Variants in TMPRSS15 observed in about 807,000 individuals in gnomAD.
TMPRSS15 encodes enteropeptidase.
TMPRSS15 carries 128 observed loss-of-function variants against 125.3 expected under a neutral mutation model. The observed-to-expected ratio is 1.02, with a 90% CI of 0.89 to 1.18. TMPRSS15 has a LOEUF of 1.18. Ranked by LOEUF, TMPRSS15 falls within the 50% of genes most tolerant of loss-of-function variation. The pLI is 0.00. For missense variants in TMPRSS15, 1,283 were observed against 1,212.7 expected, an observed-to-expected ratio of 1.06 and a Z score of -0.86; for synonymous variants, 446 against 423.2, an observed-to-expected ratio of 1.05 and a Z score of -0.66.
At chr21:18,337,915 G>T (rs1281992549) in intron 13 of TMPRSS15, among the ~76,000 whole-genome samples, 1 of 152,164 alleles carries the variant, frequency 6.6e-6, no homozygotes, top group Non-Finnish European at 1.5e-5. Context: ...GTTTTCTGCT[G>T]TGAAAAATAT....
intron 1 of TMPRSS15, among the ~76,000 whole-genome samples, chr21:18,452,681 T>C (rs554265147): frequency 1.2e-4 from 18 of 152,176 alleles, no homozygotes; most frequent in African/African-American, 4.3e-4. Flanking sequence ...ATACAATATT[T>C]TGAACTGGAA....
intron 1 of TMPRSS15, among the ~76,000 whole-genome samples, chr21:18,436,912 T>C (rs1454076068): frequency 7.5e-5 from 6 of 79,900 alleles, no homozygotes; most frequent in Admixed American, 4.6e-4. Context: ...AGGTAATTTA[T>C]AGATTCAATG....
chr21:18,430,412 A>AG (rs1480355722), intron 1 of TMPRSS15, among the ~76,000 whole-genome samples: 1 of 152,196 alleles, frequency 6.6e-6, no homozygotes, highest in African/African-American at 2.4e-5. Flanking sequence ...TTTTGGCAGC[A>AG]GAAAATATAT....
intron 1 of TMPRSS15, among the ~76,000 whole-genome samples, chr21:18,447,790 T>C (rs948442757): frequency 3.3e-5 from 5 of 152,176 alleles, no homozygotes; most frequent in African/African-American, 9.7e-5. Context: ...CTAGCCTTGT[T>C]AAAGTGTGAG....
At chr21:18,326,171 A>G (rs570449578) in intron 16 of TMPRSS15, among the ~76,000 whole-genome samples, 17 of 152,268 alleles carry the variant, frequency 1.1e-4, no homozygotes, top group African/African-American at 3.9e-4. Context: ...GCCCTCTTCA[A>G]TGAACAAAAT....
At chr21:18,474,453 G>A (rs531688764) in intron 1 of TMPRSS15, among the ~76,000 whole-genome samples, 151 of 151,928 alleles carry the variant, frequency 9.9e-4, no homozygotes, top group Non-Finnish European at 1.5e-3. Flanking sequence ...ACCATGCCCA[G>A]CTAATTTTGT....
chr21:18,450,734 C>G (rs1342748262), intron 1 of TMPRSS15, among the ~76,000 whole-genome samples: 2 of 152,162 alleles, frequency 1.3e-5, no homozygotes, highest in Non-Finnish European at 2.9e-5. Flanking sequence ...TTCTGGAATG[C>G]CCTTGTGTCA....
At chr21:18,479,990 A>T (rs1478378800) in intron 1 of TMPRSS15, among the ~76,000 whole-genome samples, 1 of 152,058 alleles carries the variant, frequency 6.6e-6, no homozygotes, top group Non-Finnish European at 1.5e-5. Flanking sequence ...AACCAACCCA[A>T]ATGCCCATCA....
chr21:18,380,564 T>C (rs1464500991), intron 4 of TMPRSS15: 1 of 470,884 alleles, frequency 2.1e-6, no homozygotes, highest in East Asian at 6.9e-5. Context: ...GGGCTTACTG[T>C]AGAAAAATTC....
At chr21:18,329,769 C>G (rs1394698179) in intron 14 of TMPRSS15, among the ~76,000 whole-genome samples, 1 of 151,138 alleles carries the variant, frequency 6.6e-6, no homozygotes, top group Non-Finnish European at 1.5e-5. Flanking sequence ...ATTAAAAAAA[C>G]AAAATAAAAC....
intron 6 of TMPRSS15, among the ~76,000 whole-genome samples, chr21:18,369,006 A>G (rs1408989170): frequency 1.3e-5 from 2 of 152,140 alleles, no homozygotes; most frequent in Non-Finnish European, 2.9e-5. Context: ...GAAAAAATAT[A>G]TGACCCAGTT....
intron 3 of TMPRSS15, 146 bp downstream of exon 3, chr21:18,397,733 T>G: frequency 1.9e-6 from 1 of 519,506 alleles, no homozygotes; most frequent in South Asian, 2.8e-5. Context: ...AATGAAAGTT[T>G]ATGCTGTGCC....
chr21:18,446,004 G>C (rs2076255097), intron 1 of TMPRSS15, among the ~76,000 whole-genome samples: 1 of 152,136 alleles, frequency 6.6e-6, no homozygotes, highest in East Asian at 1.9e-4. Flanking sequence ...AATTGGAAAG[G>C]AAAAAGTCAA....
intron 21 of TMPRSS15, among the ~76,000 whole-genome samples, chr21:18,291,530 G>A (rs984264300): frequency 6.6e-6 from 1 of 152,186 alleles, no homozygotes; most frequent in South Asian, 2.1e-4. Flanking sequence ...CTGAGGGCAA[G>A]CCACTTGTGT....
In TMPRSS15 at chr21:18,332,176, G is replaced by A. The variant is rs1274975835; in HGVS notation, c.1565-3C>T. ...CTCAAAAGGTCCTCCACAGTCCGCT[G>A]AAAAGGAAAGCAATGGGAAATCATC... is the stretch of plus-strand genomic sequence containing the variant. On this transcript the variant is annotated splice_region_variant and splice_polypyrimidine_tract_variant and intron_variant, in intron 13 of 24. Transcript: ENST00000284885. The A allele has an allele frequency of 1.9e-6, 3 of 1,612,252 alleles. No individual in the cohort carries two copies. The highest frequency in any genetic ancestry group is 1.1e-5 in the South Asian group (1 of 91,058).
At chr21:18,386,419 G>A (rs2123070179) in intron 3 of TMPRSS15, among the ~76,000 whole-genome samples, 1 of 152,158 alleles carries the variant, frequency 6.6e-6, no homozygotes, top group South Asian at 2.1e-4. Context: ...TTACCCTAAA[G>A]GCATGTCCAG....
At chr21:18,358,504 T>C (rs1056645144) in intron 8 of TMPRSS15, among the ~76,000 whole-genome samples, 2 of 151,950 alleles carry the variant, frequency 1.3e-5, no homozygotes, top group Admixed American at 6.6e-5. Flanking sequence ...GCTATAGAAA[T>C]AGATTATGAA....
chr21:18,331,369 T>G (rs1193544887), intron 14 of TMPRSS15, among the ~76,000 whole-genome samples: 1 of 152,186 alleles, frequency 6.6e-6, no homozygotes, highest in East Asian at 1.9e-4. Context: ...AAGATGTTTG[T>G]TACCCAGTCC....
At chr21:18,323,841 T>C (rs2075264364) in intron 16 of TMPRSS15, among the ~76,000 whole-genome samples, 1 of 152,198 alleles carries the variant, frequency 6.6e-6, no homozygotes, top group African/African-American at 2.4e-5. Flanking sequence ...GTACATAATT[T>C]TACTGCATTT....
Sources: allele counts gnomAD v4.1 joint callset (sites outside exome capture counted in the v4.1 genomes callset), GRCh38; gene constraint gnomAD v4.1.1; transcripts MANE v1.5; gene names NCBI Gene and HGNC (gene_info 2026-07-23, HGNC 2026-07-21).